TERB1: variants seen among roughly 807,000 people sequenced by gnomAD.
TERB1 encodes the protein telomere repeat binding bouquet formation protein 1.
A neutral mutation model predicts 92.3 loss-of-function variants in TERB1; 63 were observed. The ratio of observed to expected loss-of-function variants is 0.68; its 90% CI spans 0.56 to 0.84. The LOEUF is 0.84. Ranked by LOEUF, TERB1 falls within the 40% of genes least tolerant of loss-of-function variation. TERB1 has a pLI of 0.00. For synonymous variants in TERB1, 252 were observed against 283.9 expected, an observed-to-expected ratio of 0.89 and a Z score of 1.13; for missense variants, 709 against 843.7, an observed-to-expected ratio of 0.84 and a Z score of 1.98.
chr16:66,764,482 T>G (rs1166204945), intron 16 of TERB1, among the ~76,000 whole-genome samples: 2 of 151,918 alleles, frequency 1.3e-5, no homozygotes, highest in Admixed American at 1.3e-4. Flanking sequence ...GGCAGAGAGG[T>G]TGATTCAGTG....
chr16:66,761,120 A>AAG (rs1475940503), intron 16 of TERB1, among the ~76,000 whole-genome samples: 2 of 150,072 alleles, frequency 1.3e-5, no homozygotes, highest in East Asian at 3.9e-4. Context: ...AAAAAAAAAA[A>AAG]AAAAAAGAAA....
intron 6 of TERB1, among the ~76,000 whole-genome samples, chr16:66,786,673 C>G (rs1430275002): frequency 6.6e-6 from 1 of 152,162 alleles, no homozygotes; most frequent in Non-Finnish European, 1.5e-5. Context: ...CTCCTCAGGC[C>G]TCTCTGGCAA....
chr16:66,769,175 T>C (rs1314972487), intron 14 of TERB1, among the ~76,000 whole-genome samples: 1 of 151,532 alleles, frequency 6.6e-6, no homozygotes, highest in Non-Finnish European at 1.5e-5. Flanking sequence ...AAGAAGGGTA[T>C]GGGTGGAAAG....
At chr16:66,756,808 A>C (rs2018146112) in intron 18 of TERB1, among the ~76,000 whole-genome samples, 1 of 152,204 alleles carries the variant, frequency 6.6e-6, no homozygotes, top group African/African-American at 2.4e-5. Context: ...AGAAGGAAGC[A>C]GCTCTCTACA....
chr16:66,761,199 C>T (rs1424424010), intron 16 of TERB1, among the ~76,000 whole-genome samples: 1 of 151,010 alleles, frequency 6.6e-6, no homozygotes. Flanking sequence ...TGCCTGTAAC[C>T]GCAGCACTTT....
rs184597977 is a variant in TERB1, at chr16:66,777,902, C to G, written c.854-568G>C. Among the ~76,000 whole-genome samples, 7 of 152,230 alleles carry G rather than the reference C, an allele frequency of 4.6e-5. No individual in the cohort carries two copies. The East Asian group carries it at 1.2e-3, about 25-fold the overall frequency. ...AAATGTGGCTTTTAACAGAGTTCAC[C>G]CAGAGTCTAACAATACTAATATCAA... On this transcript the variant is annotated intron_variant, in intron 10 of 18. Coordinates refer to ENST00000433154, the MANE Select transcript of TERB1 (RefSeq NM_001136505.2).
intron 16 of TERB1, among the ~76,000 whole-genome samples, chr16:66,766,345 C>A (rs915987614): frequency 5.3e-5 from 8 of 152,224 alleles, no homozygotes; most frequent in African/African-American, 1.9e-4. Context: ...ATAGAGATAA[C>A]CTCTTCATCC....
chr16:66,758,338 C>G (rs959565583), intron 18 of TERB1: 1 of 165,878 alleles, frequency 6.0e-6, no homozygotes, highest in Non-Finnish European at 1.3e-5. Flanking sequence ...AAGGTCTGAC[C>G]CTCATCAGAG....
At chr16:66,767,558 C>A (rs1393230601) in intron 15 of TERB1, 48 bp from the exon 16 acceptor site, 2 of 825,690 alleles carry the variant, frequency 2.4e-6, no homozygotes, top group Non-Finnish European at 3.8e-6. Flanking sequence ...TGAAAAGAAT[C>A]AGATATTTTC....
At chr16:66,780,401 TA>T (rs5817602) in intron 9 of TERB1, among the ~76,000 whole-genome samples, 31 of 147,262 alleles carry the variant, frequency 2.1e-4, no homozygotes, top group Non-Finnish European at 2.9e-4. Flanking sequence ...CTCTACAAAA[TA>T]AAAAAAAAAA....
At chr16:66,794,771 G>A (rs546498311) in intron 3 of TERB1, among the ~76,000 whole-genome samples, 82 of 152,124 alleles carry the variant, frequency 5.4e-4, no homozygotes, top group African/African-American at 1.8e-3. Context: ...TTAGCTGGGC[G>A]TGGTGGTGGG....
intron 18 of TERB1, among the ~76,000 whole-genome samples, chr16:66,757,760 C>A (rs2145040194): frequency 6.6e-6 from 1 of 152,184 alleles, no homozygotes; most frequent in East Asian, 1.9e-4. Context: ...TTAATATATC[C>A]AACCTATTTT....
In TERB1 at chr16:66,790,662, C is replaced by T. The variant is rs767071184; in HGVS notation, c.204G>A (p.Lys68=). 13 of 1,550,822 alleles carry T rather than the reference C, an allele frequency of 8.4e-6. No individual in the cohort carries two copies. Among genetic ancestry groups the T allele is most frequent in the Admixed American group, 2.0e-5 (1 of 50,958 alleles). ...GGLMFVKNLA[K]SSEHSMVKEA... ...CTTTTACCATGCTATGTTCACTTGA[C>T]TTTGCAAGATTTTTTACAAACATCA... Residue 68 remains lysine, a synonymous_variant, in exon 5 of 19, where the codon AAG becomes AAA. Coordinates refer to ENST00000433154, the MANE Select transcript of TERB1 (RefSeq NM_001136505.2).
intron 16 of TERB1, among the ~76,000 whole-genome samples, chr16:66,765,898 T>G (rs368200342): frequency 3.0e-5 from 4 of 131,302 alleles, no homozygotes; most frequent in African/African-American, 1.1e-4. Context: ...GGAGTCTCGC[T>G]CTGTCGCCCA....
chr16:66,790,456 A>AG, intron 5 of TERB1, 139 bp downstream of exon 5: 1 of 555,358 alleles, frequency 1.8e-6, no homozygotes. Flanking sequence ...AAAGGAAGGG[A>AG]GGGGGGAAGG....
chr16:66,798,302 T>C (rs1400187707), intron 2 of TERB1, among the ~76,000 whole-genome samples: 5 of 151,858 alleles, frequency 3.3e-5, no homozygotes, highest in African/African-American at 9.7e-5. Context: ...GCCTCAGCAT[T>C]CCGAGTAGCT....
At chr16:66,787,287 T>C (rs1325696794) in intron 6 of TERB1, among the ~76,000 whole-genome samples, 2 of 150,930 alleles carry the variant, frequency 1.3e-5, no homozygotes, top group African/African-American at 2.4e-5. Context: ...CTTTTTCTTT[T>C]TTTTTTTTTT....
chr16:66,798,531 G>C (rs1190178126), intron 2 of TERB1, among the ~76,000 whole-genome samples: 1 of 152,136 alleles, frequency 6.6e-6, no homozygotes, highest in African/African-American at 2.4e-5. Context: ...TATGTTATAA[G>C]TCCACAGGAT....
chr16:66,781,844 T>A (rs977711620), intron 9 of TERB1, among the ~76,000 whole-genome samples: 8 of 152,146 alleles, frequency 5.3e-5, no homozygotes, highest in African/African-American at 1.9e-4. Context: ...GATAAATGTT[T>A]CTTAAATATT....
Sources: allele counts gnomAD v4.1 joint callset (sites outside exome capture counted in the v4.1 genomes callset), GRCh38; gene constraint gnomAD v4.1.1; transcripts MANE v1.5; gene names NCBI Gene and HGNC (gene_info 2026-07-23, HGNC 2026-07-21).